The following IL31RA variants were observed in gnomAD, a reference collection of about 807,000 sequenced individuals.
IL31RA encodes interleukin 31 receptor A.
In IL31RA, 66 loss-of-function variants were observed where a neutral mutation model predicts 83.7. The observed-to-expected ratio is 0.79, with a 90% CI of 0.65 to 0.97. The LOEUF (loss-of-function observed/expected upper bound fraction) is 0.97. Among genes scored for constraint, IL31RA ranks in the 50% least tolerant of loss-of-function variants. The probability of loss-of-function intolerance (pLI) is 0.00; values close to 1 mark genes in which losing one functional copy is unlikely to be tolerated. For synonymous variants in IL31RA, 325 were observed against 329.0 expected (o/e 0.99, Z 0.13); for missense variants, 798 against 919.4 (o/e 0.87, Z 1.71).
intron 5 of IL31RA, among the ~76,000 whole-genome samples, chr5:55,889,650 A>G (rs951159777): frequency 2.0e-5 from 3 of 152,222 alleles, no homozygotes; most frequent in African/African-American, 7.2e-5. Flanking sequence ...GCCCTGGGTC[A>G]TGAGGCTTGC....
chr5:55,889,840 G>T (rs764410337), intron 5 of IL31RA, 130 bp from the exon 6 acceptor site: 4 of 808,170 alleles, frequency 4.9e-6, no homozygotes, highest in Admixed American at 2.0e-5. Context: ...TAATAAAAAT[G>T]ATATATTTTA....
At chr5:55,894,662 G>T (rs185299286) in intron 6 of IL31RA, among the ~76,000 whole-genome samples, 187 of 152,186 alleles carry the variant, frequency 1.2e-3, no homozygotes, top group African/African-American at 4.1e-3. Context: ...AATTGTACTT[G>T]GTACATTTTC....
intron 6 of IL31RA, among the ~76,000 whole-genome samples, chr5:55,895,657 A>G (rs1447911419): frequency 6.6e-6 from 1 of 152,214 alleles, no homozygotes; most frequent in Non-Finnish European, 1.5e-5. Context: ...ATTGGCTTTT[A>G]CGTTACTCTC....
intron 5 of IL31RA, 103 bp from the exon 6 acceptor site, chr5:55,889,867 G>A (rs1747871514): frequency 3.0e-6 from 3 of 985,126 alleles, no homozygotes; most frequent in Non-Finnish European, 4.9e-6. Flanking sequence ...GATTTAGAGT[G>A]TTACTAGTTC....
intron 5 of IL31RA, 138 bp from the exon 6 acceptor site, chr5:55,889,832 A>G (rs1392713598): frequency 1.3e-6 from 1 of 782,246 alleles, no homozygotes; most frequent in Non-Finnish European, 2.2e-6. Context: ...AAGTCTGTTA[A>G]TAAAAATGAT....
chr5:55,855,604 C>T (rs1203617172), intron 1 of IL31RA, among the ~76,000 whole-genome samples: 3 of 152,148 alleles, frequency 2.0e-5, no homozygotes, highest in Non-Finnish European at 4.4e-5. Flanking sequence ...GGCCAAAGAG[C>T]ACCCTGTGAA....
At position 55,906,143 on chromosome 5, in the gene IL31RA, T is replaced by C; in HGVS notation, c.1107T>C (p.Ala369=). ...QCIEVMQACV[A]EDQLVVKWQS... ...TTGAGGTCATGCAGGCCTGCGTTGCTGAGGACCAGCTAGTGGTGAAGTGGC... is the reference window on the plus strand; with the variant it reads ...TTGAGGTCATGCAGGCCTGCGTTGCCGAGGACCAGCTAGTGGTGAAGTGGC... Residue 369 remains alanine, a synonymous_variant, in exon 9 of 15, where the codon GCT becomes GCC. Transcript: ENST00000652347. 6.2e-7 allele frequency: 1 copy of C among 1,613,748 alleles called. No individual in the cohort carries two copies. The highest frequency in any genetic ancestry group is 8.5e-7 in the Non-Finnish European group (1 of 1,180,018).
At chr5:55,901,122 C>T (rs1748778199) in intron 8 of IL31RA, among the ~76,000 whole-genome samples, 1 of 152,068 alleles carries the variant, frequency 6.6e-6, no homozygotes, top group African/African-American at 2.4e-5. Flanking sequence ...TTTATAATTC[C>T]TAGATATTTA....
chr5:55,845,508 C>T, the IL31RA span, among the ~76,000 whole-genome samples: 1 of 151,746 alleles, frequency 6.6e-6, no homozygotes, highest in South Asian at 2.1e-4. Flanking sequence ...GTAATCCCCA[C>T]GTCAAGGGCA....
At chr5:55,912,909 G>A (rs1387007658) in intron 12 of IL31RA, among the ~76,000 whole-genome samples, 2 of 151,582 alleles carry the variant, frequency 1.3e-5, no homozygotes, top group Admixed American at 1.3e-4. Flanking sequence ...CGAGGCTACA[G>A]TGAGCTATGA....
chr5:55,851,026 T>G (rs566991483), upstream of IL31RA, among the ~76,000 whole-genome samples: 4 of 149,204 alleles, frequency 2.7e-5, no homozygotes, highest in African/African-American at 9.9e-5. Flanking sequence ...ACCCGGGAGG[T>G]GGAGGTTGCG....
chr5:55,849,570 T>A (rs1290387453), upstream of IL31RA, among the ~76,000 whole-genome samples: 2 of 152,244 alleles, frequency 1.3e-5, no homozygotes, highest in African/African-American at 2.4e-5. Flanking sequence ...CTTAACTTAC[T>A]GAGCCGATTA....
chr5:55,877,762 T>C (rs575298194), intron 4 of IL31RA, among the ~76,000 whole-genome samples: 1 of 152,320 alleles, frequency 6.6e-6, no homozygotes, highest in African/African-American at 2.4e-5. Context: ...CAAGATACTG[T>C]CTTTGTCTTT....
chr5:55,898,303 T>G (rs1411931235), intron 7 of IL31RA, among the ~76,000 whole-genome samples: 1 of 151,806 alleles, frequency 6.6e-6, no homozygotes, highest in Non-Finnish European at 1.5e-5. Flanking sequence ...TTGGGTCTGG[T>G]CTTTTTCTCC....
chr5:55,908,872 A>C, intron 11 of IL31RA: 1 of 1,296,718 alleles, frequency 7.7e-7, no homozygotes, highest in Non-Finnish European at 9.8e-7. Flanking sequence ...AGGCTAAATA[A>C]TTTTTTCTTA....
the IL31RA span, among the ~76,000 whole-genome samples, chr5:55,844,101 AT>A: frequency 1.3e-5 from 2 of 152,148 alleles, no homozygotes; most frequent in Admixed American, 1.3e-4. Context: ...AGAGGGGAAA[AT>A]AAACCACCTT....
At chr5:55,858,418 CT>C (rs1214076396) in intron 1 of IL31RA, among the ~76,000 whole-genome samples, 1 of 152,060 alleles carries the variant, frequency 6.6e-6, no homozygotes, top group Non-Finnish European at 1.5e-5. Context: ...TTAAAGACAC[CT>C]TTTTTCTTCA....
At chr5:55,851,926 T>C (rs188570956) in intron 1 of IL31RA, among the ~76,000 whole-genome samples, 8 of 152,332 alleles carry the variant, frequency 5.3e-5, no homozygotes, top group Non-Finnish European at 7.3e-5. Context: ...TGTTTTGTCT[T>C]GTGGTTCTAT....
chr5:55,896,838 G>T (rs1580717923), intron 7 of IL31RA, among the ~76,000 whole-genome samples: 2 of 76,888 alleles, frequency 2.6e-5, no homozygotes, highest in South Asian at 1.1e-3. Context: ...TTTCTTTTTG[G>T]CAGAGTCTTG....
Sources: allele counts gnomAD v4.1 joint callset (sites outside exome capture counted in the v4.1 genomes callset), GRCh38; gene constraint gnomAD v4.1.1; transcripts MANE v1.5; gene names NCBI Gene and HGNC (gene_info 2026-07-23, HGNC 2026-07-21).